The following CPA6 variants were observed in gnomAD, a reference collection of about 807,000 sequenced individuals.
The protein encoded by CPA6 is carboxypeptidase B.
CPA6 carries 58 observed loss-of-function variants against 63.3 expected under a neutral mutation model. That is an observed-to-expected ratio of 0.92 (90% CI 0.74 to 1.14). The LOEUF (loss-of-function observed/expected upper bound fraction) is 1.14. CPA6 is among the 50% of genes most tolerant of loss of function. CPA6 has a pLI of 0.00. For missense variants in CPA6, 565 were observed against 526.6 expected (o/e 1.07, Z -0.71); for synonymous variants, 185 against 179.0 (o/e 1.03, Z -0.27).
chr8:67,448,639 G>GAAAGAAAAAAAAA (rs748305204), intron 8 of CPA6, among the ~76,000 whole-genome samples: 3 of 23,310 alleles, frequency 1.3e-4, no homozygotes, highest in African/African-American at 5.0e-4. Flanking sequence ...CTCAAAAAAG[G>GAAAGAAAAAAAAA]AAAAAAAAAA....
chr8:67,484,803 G>C lies in CPA6; in HGVS notation c.637-14C>G. On this transcript the variant is annotated splice_polypyrimidine_tract_variant and intron_variant, in intron 6 of 10. Transcript: ENST00000297770. ...TGTTAGAAGAGCCTAAAAGACAAAGGTGAGATTTTTCTTTTAAATTGGTCC... is the reference window on the plus strand; with the variant it reads ...TGTTAGAAGAGCCTAAAAGACAAAGCTGAGATTTTTCTTTTAAATTGGTCC... The C allele has an allele frequency of 6.8e-7, 1 of 1,463,394 alleles. No individual in the cohort carries two copies. Among genetic ancestry groups the C allele is most frequent in the Non-Finnish European group, 9.5e-7 (1 of 1,052,672 alleles). 90.7% of individuals were successfully genotyped at this position (1,463,394 alleles called of 1,614,324 possible).
chr8:67,634,533 T>A (rs1232883383), intron 1 of CPA6, among the ~76,000 whole-genome samples: 2 of 151,572 alleles, frequency 1.3e-5, no homozygotes, highest in Non-Finnish European at 2.9e-5. Flanking sequence ...AGGATCCACT[T>A]CCTTCTTCAC....
intron 1 of CPA6, among the ~76,000 whole-genome samples, chr8:67,737,967 A>AT (rs1207458272): frequency 2.6e-5 from 4 of 152,150 alleles, no homozygotes; most frequent in Non-Finnish European, 4.4e-5. Context: ...GCTATGATAT[A>AT]TTTTTTGTCC....
At chr8:67,440,313 G>T (rs570879239) in intron 8 of CPA6, among the ~76,000 whole-genome samples, 17 of 152,248 alleles carry the variant, frequency 1.1e-4, no homozygotes, top group African/African-American at 3.9e-4. Flanking sequence ...ACTCACACCT[G>T]TAATCCCAAC....
chr8:67,498,754 A>G (rs985093093), intron 6 of CPA6, among the ~76,000 whole-genome samples: 1 of 152,144 alleles, frequency 6.6e-6, no homozygotes, highest in Admixed American at 6.6e-5. Flanking sequence ...ATAAGCAAGC[A>G]TTCAACAAGA....
Position 67,746,155 on chromosome 8 carries a change from G to A in CPA6, c.-26C>T. 3 of 1,579,790 alleles carry A rather than the reference G, an allele frequency of 1.9e-6. No individual in the cohort carries two copies. Among genetic ancestry groups the A allele is most frequent in the Non-Finnish European group, 2.6e-6 (3 of 1,154,034 alleles). On this transcript the variant is annotated 5_prime_UTR_variant, in exon 1 of 11. Coordinates refer to ENST00000297770, the MANE Select transcript of CPA6 (RefSeq NM_020361.5). ...AGTGTTAAGAAGAGAGGAGTTGAAA[G>A]TTACTTAAGCAGCCACCCGAGGCTG...
At chr8:67,705,624 T>A (rs567672856) in intron 1 of CPA6, among the ~76,000 whole-genome samples, 1 of 152,208 alleles carries the variant, frequency 6.6e-6, no homozygotes, top group Non-Finnish European at 1.5e-5. Flanking sequence ...CTGCTTAATA[T>A]TCACATGATC....
chr8:67,698,309 G>C (rs1816950332), intron 1 of CPA6, among the ~76,000 whole-genome samples: 1 of 152,166 alleles, frequency 6.6e-6, no homozygotes, highest in Non-Finnish European at 1.5e-5. Context: ...CATAGGGCAA[G>C]GGTAGGGCTC....
At chr8:67,476,984 C>T (rs1273177641) in intron 8 of CPA6, among the ~76,000 whole-genome samples, 2 of 152,178 alleles carry the variant, frequency 1.3e-5, no homozygotes, top group Admixed American at 6.6e-5. Flanking sequence ...AGGTCCTTAA[C>T]TTCCTTTATA....
At chr8:67,598,458 AAATT>A (rs1374896005) in intron 2 of CPA6, among the ~76,000 whole-genome samples, 2 of 152,198 alleles carry the variant, frequency 1.3e-5, no homozygotes, top group African/African-American at 4.8e-5. Flanking sequence ...ATATATTGTA[AAATT>A]AATTTTAAAT....
intron 6 of CPA6, among the ~76,000 whole-genome samples, chr8:67,503,864 G>T (rs984366529): frequency 6.6e-6 from 1 of 151,980 alleles, no homozygotes; most frequent in Non-Finnish European, 1.5e-5. Flanking sequence ...TTTAAGCTGC[G>T]CATGCATTAG....
At chr8:67,697,821 A>T (rs1189308347) in intron 1 of CPA6, among the ~76,000 whole-genome samples, 1 of 152,152 alleles carries the variant, frequency 6.6e-6, no homozygotes, top group African/African-American at 2.4e-5. Flanking sequence ...TTCTATGAAG[A>T]CTGATATGTG....
chr8:67,506,977 C>G, intron 5 of CPA6, 89 bp from the exon 6 acceptor site: 1 of 944,808 alleles, frequency 1.1e-6, no homozygotes, highest in Middle Eastern at 2.1e-4. Flanking sequence ...TAATTCTTCA[C>G]TGTAGTGTGG....
chr8:67,719,696 C>T lies in CPA6; in HGVS notation c.116+26318G>A, dbSNP rs568115477. 1.4e-4 allele frequency among the ~76,000 whole-genome samples: 21 copies of T among 152,102 alleles called. No homozygotes were observed. In the East Asian group the frequency reaches 2.9e-3, roughly 21 times the overall value. The stretch of plus-strand genomic sequence containing the variant: ...CAGTCATGCAGGCATAAAATAATGA[C>T]GGCAGCATGAGAGAAATGAAGCCCT... On this transcript the variant is annotated intron_variant, in intron 1 of 10. Transcript: ENST00000297770.
At chr8:67,631,278 C>G (rs777306456) in intron 1 of CPA6, among the ~76,000 whole-genome samples, 1 of 152,166 alleles carries the variant, frequency 6.6e-6, no homozygotes, top group Admixed American at 6.5e-5. Flanking sequence ...TTTGGATGCA[C>G]CAATCAGCAC....
intron 1 of CPA6, among the ~76,000 whole-genome samples, chr8:67,720,691 C>T (rs1393839495): frequency 2.6e-5 from 4 of 152,182 alleles, no homozygotes; most frequent in African/African-American, 4.8e-5. Context: ...GCTGTCAAAA[C>T]GGATAGGCCC....
chr8:67,561,257 AG>A (rs1262499752), intron 2 of CPA6, among the ~76,000 whole-genome samples: 2 of 152,190 alleles, frequency 1.3e-5, no homozygotes. Flanking sequence ...AATACAAATG[AG>A]GAACGGGACA....
At chr8:67,616,501 A>ATGTGTGTGTG (rs4009134) in intron 2 of CPA6, among the ~76,000 whole-genome samples, 73 of 127,040 alleles carry the variant, frequency 5.7e-4, no homozygotes, top group South Asian at 3.3e-3. Flanking sequence ...GGCAAATTGA[A>ATGTGTGTGTG]TGTGTGTGTG....
rs1340086640 is a variant in CPA6, at chr8:67,710,770, T to C, written c.116+35244A>G. ...GTCTGTTGGGGGGGGCTTAGAATTT[T>C]ATTTTTGGTTAAGAAACCCCTTGTG... On this transcript the variant is annotated intron_variant, in intron 1 of 10. Transcript: ENST00000297770. Among the ~76,000 whole-genome samples, 4 of 152,254 alleles carry C rather than the reference T, an allele frequency of 2.6e-5. No individual in the cohort carries two copies. In the South Asian group the frequency reaches 6.2e-4, roughly 24 times the overall value.
Sources: allele counts gnomAD v4.1 joint callset (sites outside exome capture counted in the v4.1 genomes callset), GRCh38; gene constraint gnomAD v4.1.1; transcripts MANE v1.5; gene names NCBI Gene and HGNC (gene_info 2026-07-23, HGNC 2026-07-21).